Variants in ACAD10 observed in about 807,000 individuals in gnomAD.
ACAD10 encodes acyl-CoA dehydrogenase family member 10, also known as ACAD-10.
A neutral mutation model predicts 116.8 loss-of-function variants in ACAD10; 112 were observed. The observed-to-expected ratio is 0.96, with a 90% CI of 0.82 to 1.12. The LOEUF (loss-of-function observed/expected upper bound fraction) is 1.12. Ranked by LOEUF, ACAD10 falls within the 50% of genes most tolerant of loss-of-function variation. The probability of loss-of-function intolerance (pLI) is 0.00; values close to 1 mark genes in which losing one functional copy is unlikely to be tolerated. For synonymous variants in ACAD10, 486 were observed against 510.6 expected (o/e 0.95, Z 0.65); for missense variants, 1,259 against 1,350.2 (o/e 0.93, Z 1.06).
At chr12:111,754,022 C>A in intron 19 of ACAD10, 107 bp downstream of exon 19, 1 of 1,417,704 alleles carries the variant, frequency 7.1e-7, no homozygotes, top group Non-Finnish European at 9.3e-7. Context: ...TATTTCACCT[C>A]TACTTGGAGC....
intron 2 of ACAD10, among the ~76,000 whole-genome samples, chr12:111,695,846 T>A (rs1888175840): frequency 6.6e-6 from 1 of 151,738 alleles, no homozygotes; most frequent in Non-Finnish European, 1.5e-5. Flanking sequence ...AAATCCAATC[T>A]CTACTAAAAA....
At chr12:111,716,846 G>A (rs1393410723) in intron 7 of ACAD10, among the ~76,000 whole-genome samples, 2 of 152,134 alleles carry the variant, frequency 1.3e-5, no homozygotes, top group Non-Finnish European at 2.9e-5. Context: ...GACAGAGCGA[G>A]ACTGTGTCTC....
At chr12:111,730,675 T>C (rs190599221) in intron 10 of ACAD10, among the ~76,000 whole-genome samples, 1 of 152,326 alleles carries the variant, frequency 6.6e-6, no homozygotes, top group Admixed American at 6.5e-5. Flanking sequence ...TTGGCTTGTC[T>C]TCTTGCCCAT....
chr12:111,697,678 G>A (rs562714850), intron 2 of ACAD10, among the ~76,000 whole-genome samples: 3 of 147,996 alleles, frequency 2.0e-5, no homozygotes, highest in East Asian at 4.2e-4. Flanking sequence ...TTCGCCTCCC[G>A]GGTTCACACC....
intron 10 of ACAD10, among the ~76,000 whole-genome samples, chr12:111,731,533 A>G (rs1889383648): frequency 6.6e-6 from 1 of 152,178 alleles, no homozygotes; most frequent in Non-Finnish European, 1.5e-5. Flanking sequence ...CAATCCACGA[A>G]TGTGATCAAG....
intron 20 of ACAD10, chr12:111,756,120 C>A (rs1260154079): frequency 7.0e-7 from 1 of 1,420,478 alleles, no homozygotes; most frequent in Non-Finnish European, 9.2e-7. Flanking sequence ...CAGAAGGCAC[C>A]TGCAGAGTGG....
chr12:111,721,753 GT>G lies in ACAD10; in HGVS notation c.1061+19del. ...TGAAGATTCAAGGTAAAGTTCAGAT[GT>G]TTTTGCTATTGCACTTTCAAGCTAC... On this transcript the variant is annotated intron_variant, in intron 8 of 20. Coordinates refer to ENST00000313698, the MANE Select transcript of ACAD10 (RefSeq NM_025247.6). 1.9e-6 allele frequency: 3 copies of G among 1,583,312 alleles called. No individual in the cohort carries two copies. Among genetic ancestry groups the G allele is most frequent in the Non-Finnish European group, 2.6e-6 (3 of 1,158,132 alleles).
intron 5 of ACAD10, among the ~76,000 whole-genome samples, chr12:111,711,601 T>G (rs1888688256): frequency 6.7e-6 from 1 of 149,692 alleles, no homozygotes; most frequent in Admixed American, 6.7e-5. Flanking sequence ...CTTGGCTCAC[T>G]GCAAGCTCCA....
chr12:111,727,057 C>G lies in ACAD10; in HGVS notation c.1062-905C>G, dbSNP rs138589464. 5.2e-3 allele frequency among the ~76,000 whole-genome samples: 787 copies of G among 152,056 alleles called. 2 individuals are homozygous for G. The highest frequency in any genetic ancestry group is 0.018 in the African/African-American group (740 of 41,476). ...CCTGGCCAATATGGTGAAACCCCAT[C>G]TCTACTAAAAATACAAAAATTAGTC... On this transcript the variant is annotated intron_variant, in intron 8 of 20. Transcript: ENST00000313698.
At chr12:111,723,636 G>A (rs1356078024) in intron 8 of ACAD10, among the ~76,000 whole-genome samples, 1 of 142,636 alleles carries the variant, frequency 7.0e-6, no homozygotes, top group Admixed American at 6.9e-5. Flanking sequence ...GGCTGGCCGG[G>A]CGGGGGGCTG....
At chr12:111,736,444 G>T (rs982285320) in intron 11 of ACAD10, among the ~76,000 whole-genome samples, 1 of 152,112 alleles carries the variant, frequency 6.6e-6, no homozygotes, top group Non-Finnish European at 1.5e-5. Context: ...ACCTAACTCG[G>T]CCTCCCAAAG....
At chr12:111,723,266 G>T (rs1394733513) in intron 8 of ACAD10, among the ~76,000 whole-genome samples, 4 of 135,048 alleles carry the variant, frequency 3.0e-5, no homozygotes, top group Admixed American at 1.4e-4. Flanking sequence ...AGTAGGGGCG[G>T]CCGGGCAGAG....
chr12:111,710,644 G>A (rs1234756283), intron 5 of ACAD10, among the ~76,000 whole-genome samples: 5 of 151,660 alleles, frequency 3.3e-5, no homozygotes, highest in Admixed American at 2.0e-4. Context: ...ATAGGCGCAC[G>A]CCACCATGCC....
Position 111,755,699 on chromosome 12 carries a change from T to C in ACAD10, c.2993T>C (p.Met998Thr), listed in dbSNP as rs760848782. The change falls in exon 20 of 21, where the codon ATG (methionine) becomes ACG (threonine). Residue 998 changes from methionine to threonine, a missense_variant. Coordinates refer to ENST00000313698, the MANE Select transcript of ACAD10 (RefSeq NM_025247.6). ...AAALDIAMIK[M>T]VAPSMASRVI... ...GCCTTGGATATAGCCATGATTAAAATGGTCGCCCCGTCCATGGCCTCCCGA... is the reference window on the plus strand; with the variant it reads ...GCCTTGGATATAGCCATGATTAAAACGGTCGCCCCGTCCATGGCCTCCCGA... The C allele has an allele frequency of 6.2e-7, 1 of 1,613,958 alleles. No individual in the cohort carries two copies. The highest frequency in any genetic ancestry group is 1.1e-5 in the South Asian group (1 of 91,080).
At chr12:111,709,813 AT>A in intron 5 of ACAD10, 129 bp downstream of exon 5, 1 of 1,072,856 alleles carries the variant, frequency 9.3e-7, no homozygotes, top group South Asian at 1.7e-5. Context: ...TAGTCATCTT[AT>A]TTTGTGTTAA....
At chr12:111,708,485 C>G (rs372029080) in intron 4 of ACAD10, among the ~76,000 whole-genome samples, 2 of 150,796 alleles carry the variant, frequency 1.3e-5, no homozygotes, top group East Asian at 3.9e-4. Flanking sequence ...TTTTTTTTAG[C>G]TCATTCAGGT....
At chr12:111,727,924 G>A (rs927412905) in intron 8 of ACAD10, 38 bp from the exon 9 acceptor site, 1 of 1,568,600 alleles carries the variant, frequency 6.4e-7, no homozygotes, top group Admixed American at 1.8e-5. Flanking sequence ...GCCACATTAT[G>A]ACTCTGATCC....
At chr12:111,727,867 G>T in intron 8 of ACAD10, 95 bp from the exon 9 acceptor site, 1 of 1,303,500 alleles carries the variant, frequency 7.7e-7, no homozygotes, top group Middle Eastern at 1.9e-4. Flanking sequence ...CTCTCAACCT[G>T]TATACCCAGG....
chr12:111,686,214 C>T lies in ACAD10; in HGVS notation c.-39C>T. 1 of 153,424 alleles carries T rather than the reference C, an allele frequency of 6.5e-6. No homozygotes were observed. Among genetic ancestry groups the T allele is most frequent in the Non-Finnish European group, 1.5e-5 (1 of 68,772 alleles). The allele number at this position is 153,424 out of a possible 1,614,324, so 9.5% of individuals were successfully genotyped here. Reference sequence around the variant, plus strand: ...CCTCGTCCTAATCCACCTCGGCTGACGGCGCGGGATCCCTGGCTCCGCGAG... The same window carrying T: ...CCTCGTCCTAATCCACCTCGGCTGATGGCGCGGGATCCCTGGCTCCGCGAG... On this transcript the variant is annotated 5_prime_UTR_variant, in exon 1 of 21. It adds an upstream start codon to the 5' untranslated region. Transcript: ENST00000313698.
Sources: allele counts gnomAD v4.1 joint callset (sites outside exome capture counted in the v4.1 genomes callset), GRCh38; gene constraint gnomAD v4.1.1; transcripts MANE v1.5; gene names NCBI Gene and HGNC (gene_info 2026-07-23, HGNC 2026-07-21).